NRG3: variants seen among roughly 807,000 people sequenced by gnomAD.
NRG3 encodes pro-neuregulin-3, membrane-bound isoform.
NRG3 carries 31 observed loss-of-function variants against 66.9 expected under a neutral mutation model. The observed-to-expected ratio is 0.46, with a 90% CI of 0.35 to 0.63. NRG3 has a LOEUF of 0.63. Among genes scored for constraint, NRG3 ranks in the 20% least tolerant of loss-of-function variants. The probability of loss-of-function intolerance (pLI) is 0.00; values close to 1 mark genes in which losing one functional copy is unlikely to be tolerated. For synonymous variants in NRG3, 393 were observed against 359.4 expected, an observed-to-expected ratio of 1.09 and a Z score of -1.06; for missense variants, 910 against 878.9, an observed-to-expected ratio of 1.04 and a Z score of -0.45.
At chr10:82,465,932 G>A (rs1045305945) in intron 2 of NRG3, among the ~76,000 whole-genome samples, 19 of 152,228 alleles carry the variant, frequency 1.2e-4, no homozygotes, top group African/African-American at 3.4e-4. Context: ...GGGAACAGTC[G>A]TTGCTTCTGG....
At chr10:81,945,748 G>A (rs1263273956) in intron 1 of NRG3, among the ~76,000 whole-genome samples, 1 of 152,132 alleles carries the variant, frequency 6.6e-6, no homozygotes, top group Non-Finnish European at 1.5e-5. Flanking sequence ...CATTGCAAAT[G>A]TAATTAGTAA....
chr10:81,989,826 G>T (rs2060667855), intron 1 of NRG3, among the ~76,000 whole-genome samples: 1 of 152,098 alleles, frequency 6.6e-6, no homozygotes, highest in Non-Finnish European at 1.5e-5. Context: ...TGCGACTCTG[G>T]AGATGTGTCT....
At chr10:82,273,100 C>T (rs1468253331) in intron 1 of NRG3, among the ~76,000 whole-genome samples, 1 of 152,038 alleles carries the variant, frequency 6.6e-6, no homozygotes, top group East Asian at 1.9e-4. Context: ...ATAGATGTTT[C>T]CAACTCTTGT....
At chr10:81,892,978 A>G (rs545260677) in intron 1 of NRG3, among the ~76,000 whole-genome samples, 19 of 152,302 alleles carry the variant, frequency 1.2e-4, no homozygotes, top group African/African-American at 4.3e-4. Context: ...AAAAATTAAA[A>G]GAACACAGCT....
intron 5 of NRG3, among the ~76,000 whole-genome samples, chr10:82,957,374 A>G (rs970132044): frequency 6.6e-6 from 1 of 151,866 alleles, no homozygotes; most frequent in Non-Finnish European, 1.5e-5. Context: ...GGAGAAGCTC[A>G]TTGCTAAGAC....
intron 2 of NRG3, among the ~76,000 whole-genome samples, chr10:82,689,163 G>C (rs1326847889): frequency 1.3e-5 from 2 of 152,112 alleles, no homozygotes; most frequent in African/African-American, 4.8e-5. Context: ...GTTTCATGTG[G>C]TTCACCCTAA....
intron 2 of NRG3, among the ~76,000 whole-genome samples, chr10:82,416,145 A>G (rs892579967): frequency 3.3e-5 from 5 of 152,190 alleles, no homozygotes; most frequent in African/African-American, 1.2e-4. Flanking sequence ...TTACAAATCA[A>G]TGTTCTGTAG....
intron 1 of NRG3, among the ~76,000 whole-genome samples, chr10:82,226,834 T>G (rs2076188401): frequency 1.3e-5 from 2 of 152,172 alleles, no homozygotes; most frequent in Non-Finnish European, 2.9e-5. Context: ...TCTCTATACT[T>G]CCAGGATGGT....
chr10:82,493,274 C>T (rs1048500459), intron 2 of NRG3, among the ~76,000 whole-genome samples: 2 of 152,062 alleles, frequency 1.3e-5, no homozygotes, highest in African/African-American at 4.8e-5. Flanking sequence ...TAATGCTCTC[C>T]CTACCCTGAC....
intron 1 of NRG3, among the ~76,000 whole-genome samples, chr10:81,987,879 G>A (rs1050897504): frequency 1.6e-4 from 24 of 152,042 alleles, no homozygotes; most frequent in African/African-American, 3.9e-4. Flanking sequence ...GATATATTTC[G>A]TCCAGAGATT....
chr10:82,954,819 T>TGC (rs1330762029), intron 5 of NRG3, among the ~76,000 whole-genome samples: 1 of 151,694 alleles, frequency 6.6e-6, no homozygotes, highest in East Asian at 1.9e-4. Context: ...TGTGTGTGTG[T>TGC]GTGTGTGTGT....
chr10:81,983,575 A>G (rs888592174), intron 1 of NRG3, among the ~76,000 whole-genome samples: 1 of 152,198 alleles, frequency 6.6e-6, no homozygotes, highest in Non-Finnish European at 1.5e-5. Flanking sequence ...AATTTCTTGT[A>G]TGACAAAGTA....
rs79771512 is a variant in NRG3, at chr10:82,903,422, G to A, written c.1054+37985G>A. 2.2e-3 allele frequency among the ~76,000 whole-genome samples: 337 copies of A among 152,102 alleles called. 1 individual carries two copies. Among genetic ancestry groups the A allele is most frequent in the African/African-American group, 7.9e-3 (327 of 41,488 alleles). On this transcript the variant is annotated intron_variant, in intron 4 of 8. Coordinates refer to ENST00000372141, the MANE Select transcript of NRG3 (RefSeq NM_001010848.4). ...ACCTTAAACCTTGCATAACACCATG[G>A]GACCCATACAAAGTTCTGCTAGTGA...
chr10:82,250,401 A>G (rs1265921167), intron 1 of NRG3, among the ~76,000 whole-genome samples: 1 of 152,136 alleles, frequency 6.6e-6, no homozygotes, highest in African/African-American at 2.4e-5. Context: ...CCTGGCCAAC[A>G]TAGTGAAACC....
chr10:82,926,208 G>A lies in NRG3; in HGVS notation c.1055-25261G>A, dbSNP rs141193235. ...ATCCACGCTAATGAAGTGATGTGTAGGCATTGTATTAGGTATTATAAGTAA... is the reference window on the plus strand; with the variant it reads ...ATCCACGCTAATGAAGTGATGTGTAAGCATTGTATTAGGTATTATAAGTAA... On this transcript the variant is annotated intron_variant, in intron 4 of 8. Coordinates refer to ENST00000372141, the MANE Select transcript of NRG3 (RefSeq NM_001010848.4). Among the ~76,000 whole-genome samples, 329 of 152,292 alleles carry A rather than the reference G, an allele frequency of 2.2e-3. 2 individuals are homozygous for A. The highest frequency in any genetic ancestry group is 7.4e-3 in the African/African-American group (308 of 41,574).
At chr10:81,890,253 A>T (rs1208555902) in intron 1 of NRG3, among the ~76,000 whole-genome samples, 2 of 152,166 alleles carry the variant, frequency 1.3e-5, no homozygotes, top group Non-Finnish European at 2.9e-5. Context: ...CCTTTCGGCT[A>T]CTTGGATTGG....
chr10:82,508,389 G>T (rs960272306), intron 2 of NRG3, among the ~76,000 whole-genome samples: 4 of 151,982 alleles, frequency 2.6e-5, no homozygotes, highest in African/African-American at 9.7e-5. Flanking sequence ...AGGTGAAAAA[G>T]AAATACAATG....
chr10:82,115,148 A>G (rs1199285915), intron 1 of NRG3, among the ~76,000 whole-genome samples: 4 of 152,010 alleles, frequency 2.6e-5, no homozygotes, highest in Non-Finnish European at 5.9e-5. Flanking sequence ...TGCTCCTCCT[A>G]CATCTCTTCT....
At chr10:82,777,137 C>T (rs1591490129) in intron 3 of NRG3, among the ~76,000 whole-genome samples, 1 of 152,110 alleles carries the variant, frequency 6.6e-6, no homozygotes, top group African/African-American at 2.4e-5. Flanking sequence ...GCCTCCAGTT[C>T]TGTGTGAGTG....
Sources: allele counts gnomAD v4.1 joint callset (sites outside exome capture counted in the v4.1 genomes callset), GRCh38; gene constraint gnomAD v4.1.1; transcripts MANE v1.5; gene names NCBI Gene and HGNC (gene_info 2026-07-23, HGNC 2026-07-21).